The following CERS5 variants were observed in gnomAD, a reference collection of about 807,000 sequenced individuals.
CERS5 encodes the protein LAG1 homolog, ceramide synthase 5.
Under a neutral mutation model 58.9 loss-of-function variants are expected in CERS5, and 37 were observed. The observed-to-expected ratio is 0.63, with a 90% CI of 0.48 to 0.83. The LOEUF is 0.83. Ranked by LOEUF, CERS5 falls within the 40% of genes least tolerant of loss-of-function variation. The pLI is 0.00. For missense variants in CERS5, 398 were observed against 489.3 expected, an observed-to-expected ratio of 0.81 and a Z score of 1.76; for synonymous variants, 147 against 177.8, an observed-to-expected ratio of 0.83 and a Z score of 1.38.
chr12:50,166,952 C>A, intron 1 of CERS5, 149 bp downstream of exon 1: 2 of 648,282 alleles, frequency 3.1e-6, no homozygotes, highest in Non-Finnish European at 5.1e-6. Flanking sequence ...CTCGCCCACG[C>A]GCCTAGCATC....
intron 1 of CERS5, among the ~76,000 whole-genome samples, chr12:50,150,458 G>A (rs886163064): frequency 6.6e-6 from 1 of 152,186 alleles, no homozygotes; most frequent in Admixed American, 6.5e-5. Flanking sequence ...ACACTGAAAT[G>A]GAACTGTCTA....
intron 6 of CERS5, among the ~76,000 whole-genome samples, 190 bp downstream of exon 6, chr12:50,137,538 A>G (rs375263430): frequency 6.6e-6 from 1 of 152,214 alleles, no homozygotes; most frequent in Non-Finnish European, 1.5e-5. Flanking sequence ...GGCTTCCCTG[A>G]ATGTCTTAAA....
Position 50,138,616 on chromosome 12 carries a change from G to A in CERS5, c.494C>T (p.Ser165Leu). 6.2e-7 allele frequency: 1 copy of A among 1,613,078 alleles called. No homozygotes were observed. Reference protein sequence around the residue: ...FCYGIRFLWSSPWFWDIRQCW... With the variant: ...FCYGIRFLWSLPWFWDIRQCW... ...CTGTCGGATGTCCCAGAACCAAGGT[G>A]ACTAAGAGAAAACAGATAATCCATG... The change falls in exon 5 of 10, where the codon TCA becomes TTA. Residue 165 changes from serine to leucine, a missense_variant and splice_region_variant. Physicochemically the swap from Ser to Leu is moderately radical, Grantham distance 145. Transcript: ENST00000317551.
At chr12:50,154,137 G>A (rs1592414193) in intron 1 of CERS5, 1 of 258,944 alleles carries the variant, frequency 3.9e-6, no homozygotes, top group Non-Finnish European at 7.8e-6. Context: ...GGCAGATCAC[G>A]AGGTCAAGAG....
intron 1 of CERS5, among the ~76,000 whole-genome samples, chr12:50,157,003 G>A (rs986003242): frequency 1.4e-4 from 21 of 152,218 alleles, no homozygotes; most frequent in African/African-American, 4.8e-4. Flanking sequence ...TAACATTTGA[G>A]TCAGTGGGCT....
In CERS5 at chr12:50,135,975, A is replaced by G. The variant is rs759485454; in HGVS notation, c.731T>C (p.Met244Thr). 3.3e-6 allele frequency: 5 copies of G among 1,528,880 alleles called. No homozygotes were observed. Among genetic ancestry groups the G allele is most frequent in the East Asian group, 2.3e-5 (1 of 44,368 alleles). 94.7% of individuals were successfully genotyped at this position (1,528,880 alleles called of 1,614,324 possible). Reference protein sequence around the residue: ...NNMVRVGTLIMCLHDVSDFLL... With the variant: ...NNMVRVGTLITCLHDVSDFLL... ...GAAGTCTGAGACATCATGTAGACAC[A>G]TGATCAGAGTTCCCACTCGAACCAT... The change falls in exon 7 of 10, where the codon ATG becomes ACG. Residue 244 changes from methionine to threonine, a missense_variant. By Grantham distance (81) the Met-to-Thr change is moderately conservative (BLOSUM62 -1). Transcript: ENST00000317551.
At chr12:50,130,758 G>A (rs955552273) in intron 9 of CERS5, 64 bp from the exon 10 acceptor site, 84 of 1,458,296 alleles carry the variant, frequency 5.8e-5, no homozygotes, top group Admixed American at 3.3e-4. Flanking sequence ...TAAGCTCAGA[G>A]ACCCAGGTGT....
intron 1 of CERS5, among the ~76,000 whole-genome samples, chr12:50,153,220 A>G (rs1471184138): frequency 6.7e-6 from 1 of 150,330 alleles, no homozygotes; most frequent in African/African-American, 2.5e-5. Flanking sequence ...ACTTCTCAAT[A>G]CTTAAGACTT....
Position 50,133,610 on chromosome 12 carries a change from T to C in CERS5, c.1029+936A>G, listed in dbSNP as rs189200341. On this transcript the variant is annotated intron_variant, in intron 9 of 9. Transcript: ENST00000317551. ...ATGATTTCCTTTGAAAAGGGCCCCA[T>C]GTCAAAAAGAAAAATATGAAATCCA... 3.1e-3 allele frequency: 3,090 copies of C among 985,128 alleles called. 7 individuals carry two copies. The highest frequency in any genetic ancestry group is 3.6e-3 in the Non-Finnish European group (2,975 of 829,682). The allele number at this position is 985,128 out of a possible 1,614,324, so 61.0% of individuals were successfully genotyped here. A position where few individuals can be genotyped will look rare whatever the true frequency, so the allele number is the denominator to read the frequency against.
chr12:50,136,317 A>G (rs1038043566), intron 6 of CERS5, among the ~76,000 whole-genome samples: 1 of 152,064 alleles, frequency 6.6e-6, no homozygotes, highest in African/African-American at 2.4e-5. Flanking sequence ...TACTAAAAAT[A>G]CAAAAATAAG....
intron 2 of CERS5, chr12:50,143,708 A>G (rs2138099322): frequency 1.2e-5 from 5 of 433,060 alleles, no homozygotes; most frequent in Middle Eastern, 6.4e-4. Context: ...GTCTGGGGAA[A>G]GAGGGGTAAG....
intron 1 of CERS5, among the ~76,000 whole-genome samples, chr12:50,155,761 A>AAC (rs1340889456): frequency 1.4e-5 from 2 of 146,762 alleles, no homozygotes; most frequent in South Asian, 4.3e-4. Flanking sequence ...AAAAAAAAAA[A>AAC]AGGCCCAGCC....
At position 50,167,140 on chromosome 12, in the gene CERS5, A is replaced by T; in HGVS notation, c.158T>A (p.Leu53Gln). The T allele has an allele frequency of 6.3e-7, 1 of 1,583,884 alleles. No homozygotes were observed. Among genetic ancestry groups the T allele is most frequent in the Middle Eastern group, 1.7e-4 (1 of 6,002 alleles). Residue 53 changes from leucine to glutamine, a missense_variant, in exon 1 of 10, where the codon CTG becomes CAG. Leu to Gln is a moderately radical substitution (Grantham distance 113, BLOSUM62 -2). This residue lies in a region of CERS5 where 328 missense variants were observed against 384.5 expected (regional missense o/e 0.85). Transcript: ENST00000317551. ...RGRHILSVFP[L>Q]AAGIFFVRLL... is the part of the protein sequence containing the mutation. Reference sequence around the variant, plus strand: ...CCTCACGAAGAAGATGCCCGCCGCCAGCGGGAACACCGAGAGGATGTGCCG... The same window carrying T: ...CCTCACGAAGAAGATGCCCGCCGCCTGCGGGAACACCGAGAGGATGTGCCG...
intron 9 of CERS5, among the ~76,000 whole-genome samples, chr12:50,131,706 G>C (rs1263022891): frequency 6.6e-6 from 1 of 151,996 alleles, no homozygotes; most frequent in Non-Finnish European, 1.5e-5. Flanking sequence ...TATTAACCTG[G>C]GTTTTTTTGT....
At chr12:50,135,457 C>T in intron 8 of CERS5, 1 of 655,586 alleles carries the variant, frequency 1.5e-6, no homozygotes, top group South Asian at 1.5e-5. Flanking sequence ...AGGACTGTTC[C>T]TCAGAGATGA....
At chr12:50,148,927 AATATATAT>A (rs773368671) in intron 1 of CERS5, among the ~76,000 whole-genome samples, 2 of 48,006 alleles carry the variant, frequency 4.2e-5, no homozygotes, top group Non-Finnish European at 7.7e-5. Context: ...AAAAAAAAAA[AATATATAT>A]ATATATATAT....
intron 6 of CERS5, among the ~76,000 whole-genome samples, chr12:50,137,341 G>C (rs1951742936): frequency 6.6e-6 from 1 of 152,110 alleles, no homozygotes; most frequent in Non-Finnish European, 1.5e-5. Flanking sequence ...GGAGAACAGA[G>C]AGAGCAAGGG....
intron 5 of CERS5, 33 bp from the exon 6 acceptor site, chr12:50,137,853 G>T (rs950098139): frequency 1.4e-6 from 2 of 1,421,428 alleles, no homozygotes; most frequent in African/African-American, 1.4e-5. Flanking sequence ...TAGATTACCG[G>T]CTAGTCAAAG....
intron 1 of CERS5, 36 bp downstream of exon 1, chr12:50,167,065 G>A (rs1425905000): frequency 1.4e-6 from 2 of 1,455,696 alleles, no homozygotes; most frequent in South Asian, 1.3e-5. Context: ...CCCGGCCCGC[G>A]CCCGGCCCCC....
Sources: allele counts gnomAD v4.1 joint callset (sites outside exome capture counted in the v4.1 genomes callset), GRCh38; gene constraint gnomAD v4.1.1; regional missense constraint gnomAD v4.1.1; transcripts MANE v1.5; gene names NCBI Gene and HGNC (gene_info 2026-07-23, HGNC 2026-07-21).